PKN2: variants seen among roughly 807,000 people sequenced by gnomAD.
PKN2 encodes serine/threonine-protein kinase N2.
PKN2 carries 38 observed loss-of-function variants against 119.1 expected under a neutral mutation model. The ratio of observed to expected loss-of-function variants is 0.32; its 90% CI spans 0.25 to 0.42. The LOEUF (loss-of-function observed/expected upper bound fraction) is 0.42. PKN2 is among the 10% of genes least tolerant of loss of function. PKN2 has a pLI of 1.00. For synonymous variants in PKN2, 390 were observed against 384.9 expected (o/e 1.01, Z -0.15); for missense variants, 850 against 1,165.1 (o/e 0.73, Z 3.94).
At chr1:88,745,612 C>T (rs968078668) in intron 2 of PKN2, among the ~76,000 whole-genome samples, 3 of 151,984 alleles carry the variant, frequency 2.0e-5, no homozygotes, top group East Asian at 3.9e-4. Flanking sequence ...ATGGAAAAAT[C>T]TCCTGTGTTC....
At chr1:88,743,512 G>T (rs1570565584) in intron 2 of PKN2, among the ~76,000 whole-genome samples, 1 of 152,172 alleles carries the variant, frequency 6.6e-6, no homozygotes, top group South Asian at 2.1e-4. Context: ...CAATTTTTAG[G>T]TATTACCATA....
chr1:88,816,579 AATAAAC>A (rs745824499), intron 16 of PKN2, among the ~76,000 whole-genome samples: 109 of 152,180 alleles, frequency 7.2e-4, no homozygotes, highest in Non-Finnish European at 1.3e-3. Flanking sequence ...CGTTTATTTT[AATAAAC>A]TTCAGTAGAT....
At chr1:88,716,284 A>G (rs1228093762) in intron 1 of PKN2, among the ~76,000 whole-genome samples, 2 of 152,134 alleles carry the variant, frequency 1.3e-5, no homozygotes, top group Non-Finnish European at 2.9e-5. Context: ...TTTGGGGTGG[A>G]GAGTTCTGTA....
Position 88,786,161 on chromosome 1 carries a change from A to C in PKN2, c.1229A>C (p.Lys410Thr). The C allele has an allele frequency of 2.5e-6, 4 of 1,613,022 alleles. No homozygotes were observed. The highest frequency in any genetic ancestry group is 3.4e-6 in the Non-Finnish European group (4 of 1,179,084). The change falls in exon 8 of 22, where the codon AAA (lysine) becomes ACA (threonine). Residue 410 changes from lysine to threonine, a missense_variant. Around this residue, in one of 9 missense-constraint regions of PKN2, gnomAD observed 350 missense variants for 511.1 expected, o/e 0.68. Transcript: ENST00000370521. ...DNTVVGQTSW[K>T]PISNQSWDQK... ...ACTGTGGTTGGCCAAACTAGCTGGA[A>C]ACCCATTTCCAATCAGTCATGGGAC...
At chr1:88,690,476 TATG>T (rs1463543922) in intron 1 of PKN2, among the ~76,000 whole-genome samples, 1 of 152,250 alleles carries the variant, frequency 6.6e-6, no homozygotes, top group Non-Finnish European at 1.5e-5. Context: ...TGACATTTAA[TATG>T]ATCAACTTTT....
intron 1 of PKN2, among the ~76,000 whole-genome samples, chr1:88,693,569 A>G (rs1223048091): frequency 6.6e-6 from 1 of 152,210 alleles, no homozygotes; most frequent in African/African-American, 2.4e-5. Flanking sequence ...AACATTAGCC[A>G]GAAGTGGTGA....
In PKN2 at chr1:88,786,216, A is replaced by G; in HGVS notation, c.1281+3A>G. The G allele has an allele frequency of 7.2e-7, 1 of 1,390,004 alleles. No homozygotes were observed. Among genetic ancestry groups the G allele is most frequent in the Non-Finnish European group, 1.0e-6 (1 of 988,344 alleles). The allele number at this position is 1,390,004 out of a possible 1,614,324, so 86.1% of individuals were successfully genotyped here. On this transcript the variant is annotated splice_donor_region_variant and intron_variant, in intron 8 of 21. Transcript: ENST00000370521. ...AGTTTACACTGGAACTGGACAGGGT[A>G]AGAGGACTAACATTTTACTTGAATT...
At chr1:88,685,955 C>T (rs765577062) in intron 1 of PKN2, among the ~76,000 whole-genome samples, 2 of 152,116 alleles carry the variant, frequency 1.3e-5, no homozygotes, top group Non-Finnish European at 2.9e-5. Context: ...AAAATAGAGA[C>T]TTTAACAATG....
At chr1:88,777,863 CA>C in intron 6 of PKN2, among the ~76,000 whole-genome samples, 1 of 152,316 alleles carries the variant, frequency 6.6e-6, no homozygotes, top group East Asian at 1.9e-4. Flanking sequence ...CAGACTCTTT[CA>C]GTAGATAAGA....
chr1:88,815,782 G>C (rs576239683), intron 16 of PKN2, among the ~76,000 whole-genome samples: 1 of 152,262 alleles, frequency 6.6e-6, no homozygotes, highest in African/African-American at 2.4e-5. Context: ...GGACAAACAG[G>C]AGCATTCAAT....
intron 8 of PKN2, among the ~76,000 whole-genome samples, chr1:88,792,722 G>T (rs545224933): frequency 1.3e-5 from 2 of 152,262 alleles, no homozygotes; most frequent in East Asian, 1.9e-4. Flanking sequence ...TTCTTTTACA[G>T]TGGTTCTTAT....
intron 8 of PKN2, among the ~76,000 whole-genome samples, chr1:88,786,950 A>G (rs1430800753): frequency 6.9e-6 from 1 of 143,968 alleles, no homozygotes; most frequent in Admixed American, 7.1e-5. Context: ...TAAAACTGGG[A>G]AAGCATTCAA....
rs1280617422 is a variant in PKN2, at chr1:88,728,036, T to C, written c.49-12952T>C. Among the ~76,000 whole-genome samples the C allele has an allele frequency of 7.4e-5, 10 of 135,688 alleles. No individual in the cohort carries two copies. The South Asian group carries it at 2.1e-3, about 28-fold the overall frequency. 89.0% of individuals were successfully genotyped at this position (135,688 alleles called of 152,430 possible). On this transcript the variant is annotated intron_variant, in intron 1 of 21. Coordinates refer to ENST00000370521, the MANE Select transcript of PKN2 (RefSeq NM_006256.4). ...TGGGGCTTTTTTTTTTTTTTTTTTATTCTTTGGTTTTGGGTTACAGACTTC... is the reference window on the plus strand; with the variant it reads ...TGGGGCTTTTTTTTTTTTTTTTTTACTCTTTGGTTTTGGGTTACAGACTTC...
intron 8 of PKN2, among the ~76,000 whole-genome samples, chr1:88,786,821 A>G (rs1670597479): frequency 2.6e-5 from 4 of 151,992 alleles, no homozygotes; most frequent in Admixed American, 2.6e-4. Flanking sequence ...ATTATTTGGT[A>G]TTTAGGTTGA....
intron 1 of PKN2, among the ~76,000 whole-genome samples, chr1:88,715,229 A>G (rs1185308756): frequency 6.6e-6 from 1 of 152,080 alleles, no homozygotes; most frequent in Non-Finnish European, 1.5e-5. Flanking sequence ...TTGGTTTAAA[A>G]TTATCTTTTT....
At chr1:88,792,524 G>T (rs1205780889) in intron 8 of PKN2, among the ~76,000 whole-genome samples, 1 of 152,162 alleles carries the variant, frequency 6.6e-6, no homozygotes, top group Non-Finnish European at 1.5e-5. Context: ...GGGAGCACAA[G>T]CCTACATTTC....
At chr1:88,810,356 A>C (rs1671732573) in intron 15 of PKN2, among the ~76,000 whole-genome samples, 1 of 152,098 alleles carries the variant, frequency 6.6e-6, no homozygotes, top group African/African-American at 2.4e-5. Flanking sequence ...TCCTGAGCTC[A>C]GGTGATCTGC....
intron 2 of PKN2, among the ~76,000 whole-genome samples, chr1:88,750,513 C>G (rs1263644537): frequency 6.6e-6 from 1 of 152,154 alleles, no homozygotes; most frequent in Non-Finnish European, 1.5e-5. Flanking sequence ...CTTGGGAAAT[C>G]TTATCCCTAA....
intron 2 of PKN2, among the ~76,000 whole-genome samples, chr1:88,743,048 G>A (rs975934444): frequency 2.0e-5 from 3 of 152,082 alleles, no homozygotes; most frequent in African/African-American, 7.2e-5. Context: ...AAAATTAGTC[G>A]ACGTGGTGGC....
Sources: allele counts gnomAD v4.1 joint callset (sites outside exome capture counted in the v4.1 genomes callset), GRCh38; gene constraint gnomAD v4.1.1; regional missense constraint gnomAD v4.1.1; transcripts MANE v1.5; gene names NCBI Gene and HGNC (gene_info 2026-07-23, HGNC 2026-07-21).